GALC: variants seen among roughly 807,000 people sequenced by gnomAD.
The protein encoded by GALC is galactosylceramidase.
GALC carries 77 observed loss-of-function variants against 91.8 expected under a neutral mutation model. The observed-to-expected ratio is 0.84, with a 90% CI of 0.70 to 1.01. The LOEUF (loss-of-function observed/expected upper bound fraction) is 1.01. Ranked by LOEUF, GALC falls within the 50% of genes least tolerant of loss-of-function variation. The pLI is 0.00. For synonymous variants in GALC, 357 were observed against 306.7 expected (o/e 1.16, Z -1.71); for missense variants, 882 against 855.9 (o/e 1.03, Z -0.38).
intron 4 of GALC, among the ~76,000 whole-genome samples, chr14:87,986,195 T>C (rs535518639): frequency 2.0e-5 from 3 of 152,360 alleles, no homozygotes; most frequent in African/African-American, 7.2e-5. Flanking sequence ...TTTTGCCATT[T>C]ACTAACTGTC....
rs1886879960 is a variant in GALC, at chr14:87,984,386, T to C, written c.582+8A>G. On this transcript the variant is annotated splice_region_variant and intron_variant, in intron 5 of 16. Transcript: ENST00000261304. The stretch of plus-strand genomic sequence containing the variant: ...AAAACTGAATCATATTTTAAATATA[T>C]TACTAACTCCAATATAATCAATGTC... The C allele has an allele frequency of 6.2e-7, 1 of 1,608,980 alleles. No homozygotes were observed. The highest frequency in any genetic ancestry group is 8.5e-7 in the Non-Finnish European group (1 of 1,176,402).
intron 1 of GALC, among the ~76,000 whole-genome samples, chr14:87,992,017 A>T (rs1887220056): frequency 6.6e-6 from 1 of 152,228 alleles, no homozygotes; most frequent in Non-Finnish European, 1.5e-5. Flanking sequence ...ACACATCAGC[A>T]CGGCTGGAGA....
At chr14:87,938,290 G>A (rs1311472579) in intron 16 of GALC, among the ~76,000 whole-genome samples, 2 of 151,958 alleles carry the variant, frequency 1.3e-5, no homozygotes, top group Non-Finnish European at 2.9e-5. Flanking sequence ...GTCAGCTTGG[G>A]ATAAAACTTT....
At chr14:87,947,905 A>C in intron 12 of GALC, 27 bp from the exon 13 acceptor site, 1 of 1,605,262 alleles carries the variant, frequency 6.2e-7, no homozygotes, top group Non-Finnish European at 8.5e-7. Flanking sequence ...TACTGTATTC[A>C]GGACCAGGTA....
intron 7 of GALC, among the ~76,000 whole-genome samples, chr14:87,969,810 G>C (rs780315328): frequency 1.3e-5 from 2 of 151,968 alleles, no homozygotes; most frequent in East Asian, 3.9e-4. Context: ...GATGAATTAG[G>C]GCACAATATC....
intron 4 of GALC, among the ~76,000 whole-genome samples, chr14:87,985,102 T>C (rs1886914907): frequency 6.6e-6 from 1 of 152,218 alleles, no homozygotes; most frequent in Non-Finnish European, 1.5e-5. Flanking sequence ...TATACCCTTG[T>C]TAAGTGATAC....
At chr14:87,981,892 A>G (rs1886765409) in intron 6 of GALC, among the ~76,000 whole-genome samples, 1 of 152,174 alleles carries the variant, frequency 6.6e-6, no homozygotes, top group African/African-American at 2.4e-5. Flanking sequence ...CTAAAAATCT[A>G]AAATGATATA....
intron 13 of GALC, among the ~76,000 whole-genome samples, chr14:87,946,714 C>G (rs966796245): frequency 6.6e-6 from 1 of 151,854 alleles, no homozygotes; most frequent in Non-Finnish European, 1.5e-5. Context: ...ACCAAGCGAG[C>G]AACAGATTTT....
intron 4 of GALC, 72 bp from the exon 5 acceptor site, chr14:87,984,605 T>C (rs539506929): frequency 6.6e-7 from 1 of 1,522,860 alleles, no homozygotes; most frequent in Non-Finnish European, 9.0e-7. Flanking sequence ...ATAAAACAAA[T>C]TTTTTTTAAG....
chr14:87,963,364 T>C lies in GALC; in HGVS notation c.1161+20A>G, dbSNP rs756565250. ...ATAGTAAAGAAGTGAGTTAATCCAA[T>C]AGCAACAACAAAAGTTTACCATGGT... On this transcript the variant is annotated intron_variant, in intron 10 of 16. Coordinates refer to ENST00000261304, the MANE Select transcript of GALC (RefSeq NM_000153.4). The C allele has an allele frequency of 9.3e-6, 15 of 1,611,636 alleles. No individual in the cohort carries two copies. The highest frequency in any genetic ancestry group is 8.8e-5 in the South Asian group (8 of 91,054).
At chr14:87,966,278 G>C (rs1286394702) in intron 8 of GALC, among the ~76,000 whole-genome samples, 3 of 152,114 alleles carry the variant, frequency 2.0e-5, no homozygotes, top group Non-Finnish European at 4.4e-5. Context: ...AGTAGTAATT[G>C]GATCTAATTG....
chr14:87,992,920 C>A lies in GALC; in HGVS notation c.195+50G>T. 6 of 1,478,736 alleles carry A rather than the reference C, an allele frequency of 4.1e-6. No homozygotes were observed. In the South Asian group the frequency reaches 6.4e-5, roughly 16 times the overall value. The allele number at this position is 1,478,736 out of a possible 1,614,324, so 91.6% of individuals were successfully genotyped here. A position where few individuals can be genotyped will look rare whatever the true frequency, so the allele number is the denominator to read the frequency against. On this transcript the variant is annotated intron_variant, in intron 1 of 16. Transcript: ENST00000261304. ...GCGGGGGCTTGTGGGGCTGGCCCCA[C>A]GGGGCGGGCTCTTGCCGCCCCCCGC...
At chr14:87,968,577 C>T (rs1217121371) in intron 7 of GALC, 87 bp from the exon 8 acceptor site, 8 of 1,272,094 alleles carry the variant, frequency 6.3e-6, no homozygotes, top group East Asian at 2.4e-5. Context: ...TATAAAAATA[C>T]GAGTCTTCTC....
At chr14:87,987,034 C>T in intron 3 of GALC, 1 of 455,418 alleles carries the variant, frequency 2.2e-6, no homozygotes, top group Non-Finnish European at 4.4e-6. Flanking sequence ...TCTCAGAACC[C>T]ACACCTTTAG....
chr14:87,982,698 C>T (rs906255369), intron 5 of GALC, among the ~76,000 whole-genome samples: 1 of 152,092 alleles, frequency 6.6e-6, no homozygotes. Context: ...CACAGTAATA[C>T]ACTAGTCACA....
At chr14:87,947,915 A>G (rs1885140472) in intron 12 of GALC, 37 bp from the exon 13 acceptor site, 2 of 1,590,100 alleles carry the variant, frequency 1.3e-6, no homozygotes, top group African/African-American at 2.7e-5. Flanking sequence ...AGGACCAGGT[A>G]CTATAGCTCA....
intron 10 of GALC, among the ~76,000 whole-genome samples, chr14:87,951,706 A>G (rs1346639436): frequency 6.6e-6 from 1 of 152,004 alleles, no homozygotes; most frequent in Non-Finnish European, 1.5e-5. Flanking sequence ...AGTCAAAAAT[A>G]TTTACAAACT....
intron 16 of GALC, among the ~76,000 whole-genome samples, chr14:87,936,211 T>C (rs1884559601): frequency 6.6e-6 from 1 of 152,008 alleles, no homozygotes; most frequent in African/African-American, 2.4e-5. Context: ...ACCCACTCAG[T>C]GAGGTCTTTC....
At chr14:87,958,834 C>T (rs576770580) in intron 10 of GALC, among the ~76,000 whole-genome samples, 42 of 152,126 alleles carry the variant, frequency 2.8e-4, no homozygotes, top group Non-Finnish European at 5.0e-4. Flanking sequence ...TCACAATATA[C>T]ACAGTCAACT....
Sources: gnomAD v4.1 joint callset for allele counts (sites outside exome capture counted in the v4.1 genomes callset) on GRCh38, gnomAD v4.1.1 for gene constraint, MANE v1.5 for transcripts, NCBI Gene and HGNC (gene_info 2026-07-23, HGNC 2026-07-21) for gene names.